The following VTI1A variants were observed in gnomAD, a reference collection of about 807,000 sequenced individuals.
VTI1A encodes vesicle transport through interaction with t-SNAREs 1A, also known as vesicle transport through interaction with t-SNAREs homolog 1A.
Under a neutral mutation model 34.9 loss-of-function variants are expected in VTI1A, and 22 were observed. The observed-to-expected ratio is 0.63, with a 90% CI of 0.45 to 0.90. The LOEUF is 0.90. VTI1A is among the 40% of genes least tolerant of loss of function. The probability of loss-of-function intolerance (pLI) is 0.00; values close to 1 mark genes in which losing one functional copy is unlikely to be tolerated. For missense variants in VTI1A, 268 were observed against 275.6 expected (o/e 0.97, Z 0.20); for synonymous variants, 87 against 97.3 (o/e 0.89, Z 0.62).
intron 5 of VTI1A, among the ~76,000 whole-genome samples, chr10:112,613,323 G>A (rs971651832): frequency 6.6e-6 from 1 of 151,982 alleles, no homozygotes; most frequent in African/African-American, 2.4e-5. Flanking sequence ...TCACACTTTG[G>A]CTCCTAGAAT....
chr10:112,750,317 T>C (rs1851057292), intron 7 of VTI1A, among the ~76,000 whole-genome samples: 1 of 152,162 alleles, frequency 6.6e-6, no homozygotes, highest in African/African-American at 2.4e-5. Context: ...ACCTCCCAAG[T>C]AGCTAGGACT....
intron 7 of VTI1A, among the ~76,000 whole-genome samples, chr10:112,800,954 C>A (rs140131233): frequency 1.3e-5 from 2 of 152,254 alleles, no homozygotes; most frequent in East Asian, 1.9e-4. Context: ...AGATTCGAAT[C>A]CAAGCAGTTT....
At chr10:112,577,693 GA>G (rs1302775932) in intron 5 of VTI1A, among the ~76,000 whole-genome samples, 2 of 152,222 alleles carry the variant, frequency 1.3e-5, no homozygotes, top group East Asian at 3.8e-4. Context: ...TATACTTAAG[GA>G]ACATTATCCT....
chr10:112,755,925 G>A (rs1481784487), intron 7 of VTI1A, among the ~76,000 whole-genome samples: 1 of 152,094 alleles, frequency 6.6e-6, no homozygotes, highest in East Asian at 1.9e-4. Context: ...GATCTGATTG[G>A]CCCAAGTCCA....
intron 1 of VTI1A, among the ~76,000 whole-genome samples, chr10:112,453,850 G>A (rs1009047337): frequency 6.6e-6 from 1 of 152,146 alleles, no homozygotes; most frequent in Non-Finnish European, 1.5e-5. Flanking sequence ...TACTCCCGGG[G>A]TGTTGTTGCC....
chr10:112,524,404 A>G (rs1469306655), intron 3 of VTI1A, among the ~76,000 whole-genome samples: 1 of 152,106 alleles, frequency 6.6e-6, no homozygotes, highest in Non-Finnish European at 1.5e-5. Context: ...CTTTAGGAAA[A>G]GTCAGTCCTG....
At chr10:112,622,204 T>C (rs908987125) in intron 5 of VTI1A, among the ~76,000 whole-genome samples, 1 of 152,160 alleles carries the variant, frequency 6.6e-6, no homozygotes, top group Non-Finnish European at 1.5e-5. Context: ...CCAGTCGATA[T>C]ACCTAAAAGC....
intron 5 of VTI1A, among the ~76,000 whole-genome samples, chr10:112,577,501 G>A (rs1420897229): frequency 6.6e-6 from 1 of 152,150 alleles, no homozygotes; most frequent in Non-Finnish European, 1.5e-5. Context: ...ACTAAGTCCA[G>A]GTTGAAGAAG....
intron 7 of VTI1A, among the ~76,000 whole-genome samples, chr10:112,689,461 G>A (rs1037846803): frequency 4.6e-5 from 7 of 152,330 alleles, no homozygotes; most frequent in African/African-American, 1.4e-4. Context: ...GCTGACTCCA[G>A]GAGACATGGG....
At chr10:112,627,137 G>T (rs1845951308) in intron 5 of VTI1A, among the ~76,000 whole-genome samples, 1 of 152,014 alleles carries the variant, frequency 6.6e-6, no homozygotes, top group Non-Finnish European at 1.5e-5. Context: ...GAATAATCTT[G>T]GATGATTTTT....
intron 7 of VTI1A, among the ~76,000 whole-genome samples, chr10:112,727,794 C>G (rs548788626): frequency 6.6e-6 from 1 of 152,186 alleles, no homozygotes; most frequent in East Asian, 1.9e-4. Flanking sequence ...GTCATGCATT[C>G]TCTGCCTAGT....
intron 5 of VTI1A, among the ~76,000 whole-genome samples, chr10:112,594,747 A>G (rs1381732918): frequency 6.6e-6 from 1 of 151,330 alleles, no homozygotes; most frequent in Non-Finnish European, 1.5e-5. Flanking sequence ...AAGGTAATTT[A>G]TAGATTCAAT....
At chr10:112,735,090 G>A (rs115202025) in intron 7 of VTI1A, among the ~76,000 whole-genome samples, 2 of 152,142 alleles carry the variant, frequency 1.3e-5, no homozygotes, top group African/African-American at 4.8e-5. Flanking sequence ...TGAATTTAAA[G>A]CTACCCACAG....
At chr10:112,468,700 G>T (rs1847983854) in intron 3 of VTI1A, among the ~76,000 whole-genome samples, 1 of 152,160 alleles carries the variant, frequency 6.6e-6, no homozygotes, top group Non-Finnish European at 1.5e-5. Context: ...TCCTCTGTGT[G>T]TTATCATCTT....
At chr10:112,797,190 T>TA (rs1236476545) in intron 7 of VTI1A, among the ~76,000 whole-genome samples, 1 of 152,230 alleles carries the variant, frequency 6.6e-6, no homozygotes, top group African/African-American at 2.4e-5. Flanking sequence ...TCATTATTTT[T>TA]ATCTGTCTCC....
intron 7 of VTI1A, among the ~76,000 whole-genome samples, chr10:112,790,334 A>C (rs2134054245): frequency 6.6e-6 from 1 of 152,220 alleles, no homozygotes; most frequent in East Asian, 1.9e-4. Context: ...TTGGCTTCTC[A>C]CTGGTGTCTC....
intron 7 of VTI1A, among the ~76,000 whole-genome samples, chr10:112,675,357 T>A (rs1167920337): frequency 6.6e-6 from 1 of 152,202 alleles, no homozygotes; most frequent in African/African-American, 2.4e-5. Context: ...CTGGTTTTCC[T>A]ACTGTACCAA....
In VTI1A at chr10:112,515,477, T is replaced by C. The variant is rs1209154466; in HGVS notation, c.265-11610T>C. ...ATATTCTTCCAGATAGCCTGAGATA[T>C]AGTGTAACTGTGGTGAGGTCAATTT... On this transcript the variant is annotated intron_variant, in intron 3 of 7. Transcript: ENST00000393077. Among the ~76,000 whole-genome samples, 9 of 152,096 alleles carry C rather than the reference T, an allele frequency of 5.9e-5. No individual in the cohort carries two copies. In the South Asian group the frequency reaches 1.9e-3, roughly 31 times the overall value.
chr10:112,613,985 T>C (rs1845418225), intron 5 of VTI1A, among the ~76,000 whole-genome samples: 1 of 152,198 alleles, frequency 6.6e-6, no homozygotes, highest in Admixed American at 6.5e-5. Flanking sequence ...TTTTTCCCAT[T>C]CAGCAGTCTC....
Sources: allele counts gnomAD v4.1 joint callset (sites outside exome capture counted in the v4.1 genomes callset), GRCh38; gene constraint gnomAD v4.1.1; transcripts MANE v1.5; gene names NCBI Gene and HGNC (gene_info 2026-07-23, HGNC 2026-07-21).